Variants in ANO2 observed in about 807,000 individuals in gnomAD.
ANO2 encodes the protein anoctamin-2.
Under a neutral mutation model 124.2 loss-of-function variants are expected in ANO2, and 101 were observed. The observed-to-expected ratio is 0.81, with a 90% CI of 0.69 to 0.96. The LOEUF (loss-of-function observed/expected upper bound fraction) is 0.96. ANO2 is among the 40% of genes least tolerant of loss of function. ANO2 has a pLI of 0.00. For missense variants in ANO2, 1,293 were observed against 1,274.5 expected, an observed-to-expected ratio of 1.01 and a Z score of -0.22; for synonymous variants, 486 against 482.5, an observed-to-expected ratio of 1.01 and a Z score of -0.09.
intron 4 of ANO2, among the ~76,000 whole-genome samples, chr12:5,841,041 C>T (rs929519024): frequency 1.5e-4 from 23 of 152,130 alleles, no homozygotes; most frequent in Non-Finnish European, 1.0e-4. Context: ...GCAAGAGAAG[C>T]CAAAAATGCC....
At chr12:5,844,165 T>G (rs1565716387) in intron 4 of ANO2, among the ~76,000 whole-genome samples, 1 of 152,174 alleles carries the variant, frequency 6.6e-6, no homozygotes, top group Non-Finnish European at 1.5e-5. Context: ...GGACAAATAC[T>G]TAAAGCATTT....
rs1940530296 is a variant in ANO2, at chr12:5,904,370, C to G, written c.534+16670G>C. Among the ~76,000 whole-genome samples the G allele has an allele frequency of 6.6e-6, 1 of 152,178 alleles. No individual in the cohort carries two copies. The highest frequency in any genetic ancestry group is 2.4e-5 in the African/African-American group (1 of 41,436). ...GCAGCTGCCGCAAAGCAGGGTTACA[C>G]TGAAGGGTCTGAATGAGTGGGATTG... is the stretch of plus-strand genomic sequence containing the variant. On this transcript the variant is annotated intron_variant, in intron 3 of 24. Transcript: ENST00000682330. This position sits in a 1 kb window ranked among gnomAD's most constrained non-coding sequence, Gnocchi z 4.1.
At chr12:5,799,327 T>C (rs891637175) in intron 10 of ANO2, among the ~76,000 whole-genome samples, 180 bp downstream of exon 10, 5 of 152,200 alleles carry the variant, frequency 3.3e-5, no homozygotes, top group African/African-American at 1.2e-4. Context: ...GCAGCCTCCA[T>C]GTCCCTCCCA....
At chr12:5,701,087 A>AT (rs56113538) in intron 14 of ANO2, among the ~76,000 whole-genome samples, 26,188 of 93,084 alleles carry the variant, frequency 0.28, 4,289 homozygotes, top group Admixed American at 0.35. Context: ...GTCATTTTCA[A>AT]TTTTTTTTTT....
chr12:5,727,687 G>C (rs543904980), intron 14 of ANO2, among the ~76,000 whole-genome samples: 4 of 148,504 alleles, frequency 2.7e-5, no homozygotes, highest in Admixed American at 1.3e-4. Context: ...ACCCAGGCTG[G>C]AGTGCAGTGG....
Position 5,873,244 on chromosome 12 carries a change from T to TCTCTCTCTCTCTCTCTCC in ANO2, c.535-19104_535-19103insGGAGAGAGAGAGAGAGAG, listed in dbSNP as rs1253108658. Among the ~76,000 whole-genome samples, 38 of 141,816 alleles carry TCTCTCTCTCTCTCTCTCC rather than the reference T, an allele frequency of 2.7e-4. 3 individuals are homozygous for TCTCTCTCTCTCTCTCTCC. The highest frequency in any genetic ancestry group is 1.0e-3 in the African/African-American group (35 of 34,218). 93.0% of individuals were successfully genotyped at this position (141,816 alleles called of 152,430 possible). A position where few individuals can be genotyped will look rare whatever the true frequency, so the allele number is the denominator to read the frequency against. On this transcript the variant is annotated intron_variant, in intron 3 of 24. Transcript: ENST00000682330. ...CTCTCTCTCTCTCTCTCTCTCTCTCTCTGTCTGTCTCTCTCCCTTTCTCTC... is the reference window on the plus strand; with the variant it reads ...CTCTCTCTCTCTCTCTCTCTCTCTCTCTCTCTCTCTCTCTCTCCCTGTCTGTCTCTCTCCCTTTCTCTC...
At chr12:5,582,998 C>T (rs138475001) in intron 20 of ANO2, among the ~76,000 whole-genome samples, 19 of 152,322 alleles carry the variant, frequency 1.2e-4, no homozygotes, top group East Asian at 1.9e-4. Context: ...ATTTGACCTG[C>T]TCCCTAGATG....
chr12:5,708,435 T>C (rs1949697652), intron 14 of ANO2, among the ~76,000 whole-genome samples: 3 of 152,296 alleles, frequency 2.0e-5, no homozygotes, highest in South Asian at 2.1e-4. Flanking sequence ...TAGCTCCTCT[T>C]TGACCTTCAA....
rs202178502 is a variant in ANO2, at chr12:5,796,250, CACAT to C, written c.1055+3253_1055+3256del. Among the ~76,000 whole-genome samples, 892 of 151,884 alleles carry C rather than the reference CACAT, an allele frequency of 5.9e-3. 35 individuals carry two copies. Among genetic ancestry groups the C allele is most frequent in the Admixed American group, 0.046 (700 of 15,218 alleles). ...ATGAACACACTCATACCCACTCACA[CACAT>C]ACACTCACACCGACACACGCATGCA... On this transcript the variant is annotated intron_variant, in intron 10 of 24. Coordinates refer to ENST00000682330, the MANE Select transcript of ANO2 (RefSeq NM_001364791.2).
At chr12:5,753,599 A>C (rs1336050847) in intron 10 of ANO2, among the ~76,000 whole-genome samples, 2 of 151,970 alleles carry the variant, frequency 1.3e-5, no homozygotes, top group African/African-American at 4.8e-5. Flanking sequence ...TCAATGTGCA[A>C]ATCTTTCACC....
At chr12:5,792,779 A>G (rs1952734175) in intron 10 of ANO2, among the ~76,000 whole-genome samples, 1 of 152,214 alleles carries the variant, frequency 6.6e-6, no homozygotes, top group Non-Finnish European at 1.5e-5. Flanking sequence ...ATTTCCCAGA[A>G]AACCCAGTGG....
intron 8 of ANO2, among the ~76,000 whole-genome samples, chr12:5,807,105 T>C (rs542998348): frequency 1.3e-5 from 2 of 152,324 alleles, no homozygotes; most frequent in South Asian, 2.1e-4. Flanking sequence ...GGGGAAATCA[T>C]TGCCGAGACA....
At chr12:5,942,065 ATT>A (rs1202398064) in intron 1 of ANO2, among the ~76,000 whole-genome samples, 2 of 131,656 alleles carry the variant, frequency 1.5e-5, no homozygotes, top group African/African-American at 2.4e-5. Context: ...GCGATTAAGA[ATT>A]CTTCCTAAGA....
chr12:5,590,626 TG>T (rs1943348910), intron 20 of ANO2, among the ~76,000 whole-genome samples: 1 of 152,196 alleles, frequency 6.6e-6, no homozygotes, highest in African/African-American at 2.4e-5. Context: ...AGAGTTTGCT[TG>T]GCCTCAGTAG....
intron 16 of ANO2, among the ~76,000 whole-genome samples, chr12:5,632,170 T>C (rs1049973400): frequency 6.6e-6 from 1 of 152,096 alleles, no homozygotes; most frequent in African/African-American, 2.4e-5. Flanking sequence ...GATTCTCAAA[T>C]TCAGCAGTCC....
chr12:5,717,147 G>A (rs1244925299), intron 14 of ANO2, among the ~76,000 whole-genome samples: 1 of 152,246 alleles, frequency 6.6e-6, no homozygotes, highest in Non-Finnish European at 1.5e-5. Flanking sequence ...GCCAGCTTCT[G>A]ACAGGGAGAA....
chr12:5,854,740 T>G (rs1390615958), intron 3 of ANO2, among the ~76,000 whole-genome samples: 2 of 152,222 alleles, frequency 1.3e-5, no homozygotes, highest in Non-Finnish European at 1.5e-5. Context: ...CATGAATCTA[T>G]GTCTCAGGAT....
chr12:5,748,315 C>G (rs1016439824), intron 11 of ANO2, among the ~76,000 whole-genome samples: 3 of 152,202 alleles, frequency 2.0e-5, no homozygotes, highest in Non-Finnish European at 4.4e-5. Context: ...GGGTTTTCCA[C>G]CCTTGGTCAA....
At chr12:5,690,814 G>A (rs573745665) in intron 14 of ANO2, among the ~76,000 whole-genome samples, 11 of 152,222 alleles carry the variant, frequency 7.2e-5, no homozygotes, top group Non-Finnish European at 1.5e-4. Flanking sequence ...CCCATCCTGA[G>A]CATAAAAATG....
Sources: allele counts gnomAD v4.1 joint callset (sites outside exome capture counted in the v4.1 genomes callset), GRCh38; gene constraint gnomAD v4.1.1; non-coding constraint Gnocchi (gnomAD v3.1); transcripts MANE v1.5; gene names NCBI Gene and HGNC (gene_info 2026-07-23, HGNC 2026-07-21).